Variants in SRFBP1 observed in about 807,000 individuals in gnomAD.
SRFBP1 encodes the protein serum response factor-binding protein 1.
Under a neutral mutation model 45.5 loss-of-function variants are expected in SRFBP1, and 47 were observed. The observed-to-expected ratio is 1.03, with a 90% confidence interval of 0.82 to 1.32. The LOEUF (loss-of-function observed/expected upper bound fraction) is 1.32. SRFBP1 is among the 40% of genes most tolerant of loss of function. The pLI, the probability that SRFBP1 is intolerant of heterozygous loss-of-function variation, is 0.00. For missense variants in SRFBP1, 621 were observed against 484.6 expected, an observed-to-expected ratio of 1.28 and a Z score of -2.64; for synonymous variants, 203 against 166.3, an observed-to-expected ratio of 1.22 and a Z score of -1.70.
Position 122,040,957 on chromosome 5 carries a change from A to C in SRFBP1, n.311+18550A>C, listed in dbSNP as rs547623035. On this transcript the variant is annotated intron_variant and non_coding_transcript_variant, in intron 2 of 2. Coordinates refer to the SRFBP1 transcript ENST00000504881. Reference sequence around the variant, plus strand: ...TGACATTCATCACCTAACATATATAAGTTTATATAGTTTTCAGCCTCCTCC... The same window carrying C: ...TGACATTCATCACCTAACATATATACGTTTATATAGTTTTCAGCCTCCTCC... 4.3e-4 allele frequency among the ~76,000 whole-genome samples: 66 copies of C among 152,196 alleles called. 2 individuals are homozygous for C. The South Asian group carries it at 0.013, about 31-fold the overall frequency.
At chr5:121,993,659 T>C (rs967463038) in intron 3 of SRFBP1, among the ~76,000 whole-genome samples, 8 of 152,104 alleles carry the variant, frequency 5.3e-5, no homozygotes, top group Non-Finnish European at 8.8e-5. Flanking sequence ...TTGAGTAATT[T>C]AATTCACTTA....
rs150984510 is a variant in SRFBP1, at chr5:122,037,648, A to T, written n.311+15241A>T. On this transcript the variant is annotated intron_variant and non_coding_transcript_variant, in intron 2 of 2. Transcript: ENST00000504881. ...CAAGATTACAGCCACATGCTAACACACCTGGCTATTCAGTTTTTATTTTGT... is the reference window on the plus strand; with the variant it reads ...CAAGATTACAGCCACATGCTAACACTCCTGGCTATTCAGTTTTTATTTTGT... Among the ~76,000 whole-genome samples, 1,301 of 151,652 alleles carry T rather than the reference A, an allele frequency of 8.6e-3. 5 individuals carry two copies. Among genetic ancestry groups the T allele is most frequent in the Non-Finnish European group, 0.014 (928 of 67,898 alleles).
intron 4 of SRFBP1, among the ~76,000 whole-genome samples, chr5:122,008,153 A>C (rs1039938633): frequency 1.3e-5 from 2 of 151,802 alleles, no homozygotes; most frequent in East Asian, 1.9e-4. Context: ...CTGACCTGAT[A>C]CTGGGCTGCC....
intron 2 of SRFBP1, among the ~76,000 whole-genome samples, chr5:122,045,176 G>A (rs181581979): frequency 8.0e-4 from 122 of 152,184 alleles, no homozygotes; most frequent in Non-Finnish European, 1.6e-3. Context: ...GTACATTTGT[G>A]GCACTATTTC....
chr5:122,071,737 A>G (rs558243227), intron 2 of SRFBP1, among the ~76,000 whole-genome samples: 4 of 152,298 alleles, frequency 2.6e-5, no homozygotes, highest in African/African-American at 7.2e-5. Context: ...CTGCCATTCA[A>G]TTCTAGCAAC....
chr5:122,068,572 G>C (rs1754365125), intron 2 of SRFBP1, among the ~76,000 whole-genome samples: 1 of 152,146 alleles, frequency 6.6e-6, no homozygotes, highest in South Asian at 2.1e-4. Flanking sequence ...CAGTGAGTGA[G>C]AGGCTGCAAG....
intron 2 of SRFBP1, among the ~76,000 whole-genome samples, chr5:122,052,171 G>A (rs1754000221): frequency 6.6e-6 from 1 of 152,048 alleles, no homozygotes; most frequent in African/African-American, 2.4e-5. Flanking sequence ...TCTCTAGTTG[G>A]CTTTAACATT....
intron 1 of SRFBP1, 33 bp downstream of exon 1, chr5:121,962,101 A>C (rs1480169170): frequency 2.5e-6 from 4 of 1,613,236 alleles, no homozygotes; most frequent in Non-Finnish European, 3.4e-6. Context: ...GGCTGACTTT[A>C]AGGGTCCTCA....
intron 2 of SRFBP1, chr5:122,074,320 G>GTT: frequency 8.1e-6 from 5 of 619,148 alleles, no homozygotes; most frequent in Non-Finnish European, 1.1e-5. Context: ...TCATGCTAGG[G>GTT]TTTTTTTTTC....
chr5:122,075,615 C>T, downstream of SRFBP1: 1 of 1,001,828 alleles, frequency 1.0e-6, no homozygotes, highest in South Asian at 1.8e-5. Flanking sequence ...AATAAAACAT[C>T]CATTATATAG....
At chr5:122,069,195 A>G (rs1164744852) in intron 2 of SRFBP1, among the ~76,000 whole-genome samples, 1 of 152,144 alleles carries the variant, frequency 6.6e-6, no homozygotes, top group Non-Finnish European at 1.5e-5. Context: ...ATTCTAGTAT[A>G]GCTCTGCTAT....
chr5:122,053,371 G>A (rs919539098), intron 2 of SRFBP1, among the ~76,000 whole-genome samples: 3 of 152,156 alleles, frequency 2.0e-5, no homozygotes, highest in Non-Finnish European at 4.4e-5. Context: ...AGCTTTAGCA[G>A]GTGTTGCCTG....
At chr5:122,003,378 C>G (rs904029770) in intron 4 of SRFBP1, among the ~76,000 whole-genome samples, 4 of 151,498 alleles carry the variant, frequency 2.6e-5, no homozygotes, top group African/African-American at 9.7e-5. Context: ...AATGTTATCC[C>G]TAAAATGGTT....
intron 4 of SRFBP1, 53 bp downstream of exon 4, chr5:121,994,723 G>A: frequency 1.7e-6 from 2 of 1,208,130 alleles, no homozygotes; most frequent in Non-Finnish European, 2.3e-6. Context: ...CATCTATATT[G>A]CTTACTTTTT....
chr5:122,020,391 A>C lies in SRFBP1; in HGVS notation c.656A>C (p.Gln219Pro). The C allele has an allele frequency of 6.2e-7, 1 of 1,614,156 alleles. No individual in the cohort carries two copies. The highest frequency in any genetic ancestry group is 8.5e-7 in the Non-Finnish European group (1 of 1,179,996). ...GATTCTGTAGTTTCCCTTGAGTCCC[A>C]GAAGACACCTGCTGACCCAAAACTG... ...EKDSVVSLES[Q>P]KTPADPKLKT... The change falls in exon 6 of 8, where the codon CAG becomes CCG. Residue 219 changes from glutamine to proline, a missense_variant. By Grantham distance (76) the Gln-to-Pro change is moderately conservative. Coordinates refer to ENST00000339397, the MANE Select transcript of SRFBP1 (RefSeq NM_152546.3).
At chr5:122,077,046 GC>G (rs1332160448), downstream of SRFBP1, 2 of 1,604,712 alleles carry the variant, frequency 1.2e-6, no homozygotes, top group Non-Finnish European at 1.7e-6. The surrounding 1 kb of genome is among the most constrained non-coding windows in gnomAD (Gnocchi z 4.9). Context: ...ACAACCCGGC[GC>G]CCCCCGCTCC....
chr5:122,011,635 G>A (rs1753096208), intron 4 of SRFBP1, among the ~76,000 whole-genome samples: 1 of 152,090 alleles, frequency 6.6e-6, no homozygotes, highest in African/African-American at 2.4e-5. Context: ...ATTTGTCTTA[G>A]CCTTTTAAAT....
rs550158349 is a variant in SRFBP1 at position 122,057,057 on chromosome 5, T to C, written n.312-18258T>C. 9.8e-5 allele frequency among the ~76,000 whole-genome samples: 15 copies of C among 152,322 alleles called. No homozygotes were observed. In the South Asian group the frequency reaches 2.9e-3, roughly 29 times the overall value. ...AAAAATCTGAGGAAGAAGAATGTTA[T>C]GTAAAGCATGTAATATAACCACCTT... On this transcript the variant is annotated intron_variant and non_coding_transcript_variant, in intron 2 of 2. Transcript: ENST00000504881.
chr5:121,962,990 C>A (rs1299369007), intron 1 of SRFBP1, among the ~76,000 whole-genome samples: 1 of 152,154 alleles, frequency 6.6e-6, no homozygotes, highest in Non-Finnish European at 1.5e-5. Context: ...AAGAATGCCT[C>A]CAAAACCTAG....
Sources: allele counts gnomAD v4.1 joint callset (sites outside exome capture counted in the v4.1 genomes callset), GRCh38; gene constraint gnomAD v4.1.1; non-coding constraint Gnocchi (gnomAD v3.1); transcripts MANE v1.5; gene names NCBI Gene and HGNC (gene_info 2026-07-23, HGNC 2026-07-21).